The following DDX52 variants were observed in gnomAD, a reference collection of about 807,000 sequenced individuals.
DDX52 encodes the protein DExD-box helicase 52.
In DDX52, 59 loss-of-function variants were observed where a neutral mutation model predicts 76.1. The observed-to-expected ratio is 0.78, with a 90% CI of 0.63 to 0.96. The LOEUF is 0.96. Ranked by LOEUF, DDX52 falls within the 40% of genes least tolerant of loss-of-function variation. DDX52 has a pLI of 0.00. For missense variants in DDX52, 707 were observed against 703.9 expected (o/e 1.00, Z -0.05); for synonymous variants, 231 against 244.1 (o/e 0.95, Z 0.50).
rs2064384614 is a variant in DDX52 at position 37,612,942 on chromosome 17, C to T, written c.*1354G>A. ...TGTTTGCATGAACAAACAAAAAAAT[C>T]ATATTCTTGTAAGTATTTTTACACC... On this transcript the variant is annotated 3_prime_UTR_variant, in exon 15 of 15. Transcript: ENST00000617633. The T allele has an allele frequency of 1.3e-5, 2 of 152,140 alleles. No homozygotes were observed. Among genetic ancestry groups the T allele is most frequent in the South Asian group, 4.1e-4 (2 of 4,836 alleles). The allele number at this position is 152,140 out of a possible 1,614,324, so 9.4% of individuals were successfully genotyped here. A position where few individuals can be genotyped will look rare whatever the true frequency, so the allele number is the denominator to read the frequency against.
Position 37,614,210 on chromosome 17 carries a change from G to C in DDX52, c.*86C>G, listed in dbSNP as rs75350315. ...TTTCAAATGTTTGGTACAGGTGACT[G>C]TAAGACTTCAAGTATTCCATGAAAA... On this transcript the variant is annotated 3_prime_UTR_variant, in exon 15 of 15. Transcript: ENST00000617633. The C allele has an allele frequency of 6.5e-6, 9 of 1,382,304 alleles. No homozygotes were observed. In the Admixed American group the frequency reaches 1.4e-4, roughly 21 times the overall value. 85.6% of individuals were successfully genotyped at this position (1,382,304 alleles called of 1,614,324 possible). A position where few individuals can be genotyped will look rare whatever the true frequency, so the allele number is the denominator to read the frequency against.
rs1308618944 is a variant in DDX52 at position 37,618,194 on chromosome 17, G to A, written c.1742+98C>T. ...TTATAACGTTTTATAACAGACTGTA[G>A]TATCAATTCTACTTCTAAAAATTTA... is the stretch of plus-strand genomic sequence containing the variant. On this transcript the variant is annotated intron_variant, in intron 14 of 14. Coordinates refer to ENST00000617633, the MANE Select transcript of DDX52 (RefSeq NM_007010.5). 6.0e-6 allele frequency: 5 copies of A among 826,696 alleles called. No homozygotes were observed. The East Asian group carries it at 1.4e-4, about 22-fold the overall frequency. 51.2% of individuals were successfully genotyped at this position (826,696 alleles called of 1,614,324 possible). A position where few individuals can be genotyped will look rare whatever the true frequency, so the allele number is the denominator to read the frequency against.
intron 6 of DDX52, among the ~76,000 whole-genome samples, chr17:37,628,202 G>A (rs1037322582): frequency 7.9e-5 from 12 of 152,104 alleles, no homozygotes; most frequent in African/African-American, 2.4e-4. Context: ...CTAAGTGTTC[G>A]TTGCAGGGGA....
In DDX52 at chr17:37,628,652, T is replaced by C; in HGVS notation, c.768A>G (p.Lys256=). The C allele has an allele frequency of 6.2e-7, 1 of 1,601,804 alleles. No individual in the cohort carries two copies. Among genetic ancestry groups the C allele is most frequent in the South Asian group, 1.1e-5 (1 of 87,250 alleles). ...LASQIHRELI[K]ISEGTGFRIH... ...TTCTGAATCCTGTTCCCTCAGAAATTTTTATTAACTCTCTGTGAATCTAAA... is the reference window on the plus strand; with the variant it reads ...TTCTGAATCCTGTTCCCTCAGAAATCTTTATTAACTCTCTGTGAATCTAAA... The change falls in exon 6 of 15, where the codon AAA becomes AAG. Residue 256 remains lysine, a synonymous_variant. Coordinates refer to ENST00000617633, the MANE Select transcript of DDX52 (RefSeq NM_007010.5).
At chr17:37,629,332 T>C (rs2030564886) in intron 5 of DDX52, among the ~76,000 whole-genome samples, 1 of 151,242 alleles carries the variant, frequency 6.6e-6, no homozygotes. Context: ...TTAAGCACAT[T>C]GGGAGGGTAG....
chr17:37,620,564 A>G (rs938471132), intron 12 of DDX52: 1 of 237,446 alleles, frequency 4.2e-6, no homozygotes, highest in African/African-American at 2.3e-5. Flanking sequence ...AAATTACTAT[A>G]GGCAGTCAAA....
intron 2 of DDX52, among the ~76,000 whole-genome samples, chr17:37,636,655 A>G (rs1204250049): frequency 6.6e-6 from 1 of 152,226 alleles, no homozygotes; most frequent in Non-Finnish European, 1.5e-5. Context: ...TTTACAGTGA[A>G]GCTTCGGTAG....
At chr17:37,631,363 A>G (rs909459776) in intron 4 of DDX52, 1 of 152,302 alleles carries the variant, frequency 6.6e-6, no homozygotes, top group Non-Finnish European at 1.5e-5. Flanking sequence ...GAAAGAAACC[A>G]GAAATAAAAG....
intron 7 of DDX52, among the ~76,000 whole-genome samples, 193 bp from the exon 8 acceptor site, chr17:37,626,291 C>T (rs1035181865): frequency 6.6e-6 from 1 of 151,980 alleles, no homozygotes; most frequent in South Asian, 2.1e-4. Context: ...CCACCCAAAT[C>T]TCATCTCGAA....
At chr17:37,625,190 G>A (rs755932554) in intron 8 of DDX52, among the ~76,000 whole-genome samples, 6 of 151,816 alleles carry the variant, frequency 4.0e-5, no homozygotes, top group Non-Finnish European at 4.4e-5. Context: ...ATGGGGTTTC[G>A]CCATGTTGGT....
intron 2 of DDX52, among the ~76,000 whole-genome samples, chr17:37,634,816 ATT>A (rs760023440): frequency 3.5e-5 from 5 of 141,594 alleles, no homozygotes; most frequent in Admixed American, 7.2e-5. Context: ...ACTAACCTAA[ATT>A]TTTTTTTTTT....
In DDX52 at chr17:37,642,185, C is replaced by T. The variant is rs2147373909; in HGVS notation, c.211G>A (p.Gly71Arg). The T allele has an allele frequency of 6.2e-7, 1 of 1,614,060 alleles. No homozygotes were observed. The highest frequency in any genetic ancestry group is 1.1e-5 in the South Asian group (1 of 91,076). Residue 71 changes from glycine (G) to arginine (R), a missense_variant, in exon 2 of 15, where the codon GGA (glycine) becomes AGA (arginine). Transcript: ENST00000617633. Reference protein sequence around the residue: ...ASQTHQKPQNGEKKEESLTER... With the variant: ...ASQTHQKPQNREKKEESLTER... ...GTTAGGCTCTCTTCTTTTTTCTCTC[C>T]ATTTTGGGGCTTCTGATGTGTTTGT... is the stretch of plus-strand genomic sequence containing the variant.
rs1003682033 is a variant in DDX52, at chr17:37,611,880, G to A, written c.*2416C>T. The A allele has an allele frequency of 1.3e-5, 2 of 148,626 alleles. No individual in the cohort carries two copies. The highest frequency in any genetic ancestry group is 4.2e-4 in the South Asian group (2 of 4,734). The allele number at this position is 148,626 out of a possible 1,614,324, so 9.2% of individuals were successfully genotyped here. On this transcript the variant is annotated 3_prime_UTR_variant, in exon 15 of 15. Transcript: ENST00000617633. ...GGAGGCTGAGGTTTGAGGATCACTT[G>A]AGTCTAAGAGGTCAAGGCTGCAGTG... is the stretch of plus-strand genomic sequence containing the variant.
chr17:37,629,746 T>A (rs1413591184), intron 5 of DDX52, among the ~76,000 whole-genome samples: 17 of 152,194 alleles, frequency 1.1e-4, no homozygotes, highest in South Asian at 4.1e-4. Flanking sequence ...GAAAAATAAA[T>A]GTCCAAGCAG....
Position 37,626,112 on chromosome 17 carries a change from A to C in DDX52, c.933-14T>G. 1 of 1,613,930 alleles carries C rather than the reference A, an allele frequency of 6.2e-7. No individual in the cohort carries two copies. The highest frequency in any genetic ancestry group is 8.5e-7 in the Non-Finnish European group (1 of 1,179,824). ...AGCCACTCAACACTAAGAAATAACA[A>C]AACAACTTGTGGATACTGAACTGAA... On this transcript the variant is annotated splice_polypyrimidine_tract_variant and intron_variant, in intron 7 of 14. Coordinates refer to ENST00000617633, the MANE Select transcript of DDX52 (RefSeq NM_007010.5).
intron 14 of DDX52, among the ~76,000 whole-genome samples, chr17:37,617,825 A>G (rs1230149301): frequency 2.6e-5 from 4 of 152,214 alleles, no homozygotes; most frequent in Non-Finnish European, 5.9e-5. Context: ...AAAAATTCCA[A>G]TATTAAAACA....
At chr17:37,629,037 G>A (rs571865600) in intron 5 of DDX52, among the ~76,000 whole-genome samples, 35 of 152,072 alleles carry the variant, frequency 2.3e-4, no homozygotes, top group Admixed American at 1.2e-3. Flanking sequence ...GGCCAACGTG[G>A]TAAAACCCCA....
At chr17:37,638,441 T>C (rs1050575987) in intron 2 of DDX52, among the ~76,000 whole-genome samples, 1 of 152,240 alleles carries the variant, frequency 6.6e-6, no homozygotes, top group African/African-American at 2.4e-5. Flanking sequence ...CAAGCTAGTA[T>C]TGGTGTACAA....
chr17:37,634,564 G>C (rs760438952), intron 2 of DDX52, among the ~76,000 whole-genome samples: 2 of 151,620 alleles, frequency 1.3e-5, no homozygotes, highest in Non-Finnish European at 2.9e-5. Context: ...CCAGGAGGTG[G>C]GGGTTGCAGT....
Sources: allele counts gnomAD v4.1 joint callset (sites outside exome capture counted in the v4.1 genomes callset), GRCh38; gene constraint gnomAD v4.1.1; transcripts MANE v1.5; gene names NCBI Gene and HGNC (gene_info 2026-07-23, HGNC 2026-07-21).